P2RY13: variants seen among roughly 807,000 people sequenced by gnomAD.
P2RY13 encodes the protein P2Y purinoceptor 13.
For synonymous variants in P2RY13, 150 were observed against 155.1 expected, an observed-to-expected ratio of 0.97 and a Z score of 0.24; for missense variants, 412 against 418.4, an observed-to-expected ratio of 0.98 and a Z score of 0.13.
In P2RY13 at chr3:151,328,985, G is replaced by A; in HGVS notation, c.71C>T (p.Thr24Ile). The change falls in exon 2 of 2, where the codon ACC (threonine) becomes ATC (isoleucine). Residue 24 changes from threonine (T) to isoleucine (I), a missense_variant. Physicochemically the swap from Thr to Ile is moderately conservative, Grantham distance 89. Transcript: ENST00000325602. ...TCTGTTGAAGCCTTGCATCACTGTG[G>A]TGTTCATTGCTTCCAGTGTCACCTG... ...LPKVTLEAMNTTVMQGFNRSE... is the reference protein window; with the variant it reads ...LPKVTLEAMNITVMQGFNRSE... 1.2e-6 allele frequency: 2 copies of A among 1,603,908 alleles called. No individual in the cohort carries two copies. The highest frequency in any genetic ancestry group is 8.5e-7 in the Non-Finnish European group (1 of 1,174,800).
chr3:151,329,409 G>T (rs540656328), intron 1 of P2RY13, 72 bp downstream of exon 1: 7 of 918,736 alleles, frequency 7.6e-6, no homozygotes, highest in Admixed American at 7.6e-5. Flanking sequence ...TAACTTTAAA[G>T]CACCTTTTTT....
In P2RY13 at chr3:151,328,840, G is replaced by A; in HGVS notation, c.216C>T (p.Ile72=). ...NTLALWVFVH[I]PSSSTFIIYL... ...AGATGATGAAGGTGGAGGAGCTGGGGATGTGAACAAACACCCACAGAGCCA... is the reference window on the plus strand; with the variant it reads ...AGATGATGAAGGTGGAGGAGCTGGGAATGTGAACAAACACCCACAGAGCCA... The change falls in exon 2 of 2, where the codon ATC becomes ATT. Residue 72 remains isoleucine (I), a synonymous_variant. Transcript: ENST00000325602. 1 of 1,613,984 alleles carries A rather than the reference G, an allele frequency of 6.2e-7. No individual in the cohort carries two copies. Among genetic ancestry groups the A allele is most frequent in the Non-Finnish European group, 8.5e-7 (1 of 1,179,924 alleles).
chr3:151,329,420 C>A (rs1750093195), intron 1 of P2RY13, 61 bp downstream of exon 1: 1 of 1,042,810 alleles, frequency 9.6e-7, no homozygotes, highest in Non-Finnish European at 1.4e-6. Flanking sequence ...CACCTTTTTT[C>A]CCTTAAGCAT....
chr3:151,329,439 A>G (rs1318841610), intron 1 of P2RY13, 42 bp downstream of exon 1: 6 of 1,305,668 alleles, frequency 4.6e-6, no homozygotes, highest in Admixed American at 4.3e-5. Context: ...ATATTCTTTT[A>G]TATAAGCAAG....
chr3:151,328,561 G>T lies in P2RY13; in HGVS notation c.495C>A (p.Ile165=). 1 of 1,613,722 alleles carries T rather than the reference G, an allele frequency of 6.2e-7. No homozygotes were observed. The highest frequency in any genetic ancestry group is 2.2e-5 in the East Asian group (1 of 44,866). The stretch of plus-strand genomic sequence containing the variant: ...TGAAGAACAAAAAGAACCAGATGAA[G>T]ATTGAGACCGTTTTTGCAAAAACAG... ...KKPVFAKTVS[I]FIWFFLFFIS... The change falls in exon 2 of 2, where the codon ATC becomes ATA. Residue 165 remains isoleucine (I), a synonymous_variant. Coordinates refer to ENST00000325602, the MANE Select transcript of P2RY13 (RefSeq NM_176894.3).
Position 151,328,900 on chromosome 3 carries a change from T to C in P2RY13, c.156A>G (p.Thr52=). The change falls in exon 2 of 2, where the codon ACA becomes ACG. Residue 52 remains threonine (T), a synonymous_variant. Coordinates refer to ENST00000325602, the MANE Select transcript of P2RY13 (RefSeq NM_176894.3). Reference sequence around the variant, plus strand: ...GCAGGATGCCGGTCAAGAAAACCACTGTGTAGAGGGCTGGGAATACCAGCT... The same window carrying C: ...GCAGGATGCCGGTCAAGAAAACCACCGTGTAGAGGGCTGGGAATACCAGCT... The part of the protein sequence containing the change: ...IVQLVFPALY[T]VVFLTGILLN... 1.9e-6 allele frequency: 3 copies of C among 1,614,010 alleles called. No individual in the cohort carries two copies. The highest frequency in any genetic ancestry group is 2.5e-6 in the Non-Finnish European group (3 of 1,179,936).
In P2RY13 at chr3:151,327,832, A is replaced by G. The variant is rs1749827200; in HGVS notation, c.*159T>C. On this transcript the variant is annotated 3_prime_UTR_variant, in exon 2 of 2. Coordinates refer to ENST00000325602, the MANE Select transcript of P2RY13 (RefSeq NM_176894.3). ...AATGGTTCATTCAGCTTATGAATAG[A>G]TCTATGTGGATTTAAATTTTATATA... 6.5e-5 allele frequency: 35 copies of G among 540,794 alleles called. 1 individual carries two copies. In the South Asian group the frequency reaches 1.1e-3, roughly 18 times the overall value. The allele number at this position is 540,794 out of a possible 1,614,324, so 33.5% of individuals were successfully genotyped here.
rs1232064766 is a variant in P2RY13 at position 151,326,400 on chromosome 3, G to T, written c.*1591C>A. The T allele has an allele frequency of 6.6e-6, 1 of 152,478 alleles. No homozygotes were observed. The highest frequency in any genetic ancestry group is 1.5e-5 in the Non-Finnish European group (1 of 68,020). 9.4% of individuals were successfully genotyped at this position (152,478 alleles called of 1,614,324 possible). On this transcript the variant is annotated 3_prime_UTR_variant, in exon 2 of 2. Coordinates refer to ENST00000325602, the MANE Select transcript of P2RY13 (RefSeq NM_176894.3). ...CAGTTACTAAAAGAGTAGATACAAA[G>T]GTCAGGAAGTAATTACAATGCAATG...
rs780075715 is a variant in P2RY13, at chr3:151,328,103, A to G, written c.953T>C (p.Ile318Thr). ...TNICMDPLIYIFLCKKFTEKL... is the reference protein window; with the variant it reads ...TNICMDPLIYTFLCKKFTEKL... ...TTCTGTGAATTTTTTACATAAGAATATGTATATTAAGGGATCCATACAAAT... is the reference window on the plus strand; with the variant it reads ...TTCTGTGAATTTTTTACATAAGAATGTGTATATTAAGGGATCCATACAAAT... Residue 318 changes from isoleucine to threonine, a missense_variant, in exon 2 of 2, where the codon ATA becomes ACA. Transcript: ENST00000325602. The G allele has an allele frequency of 6.2e-7, 1 of 1,611,602 alleles. No individual in the cohort carries two copies. Among genetic ancestry groups the G allele is most frequent in the Admixed American group, 1.7e-5 (1 of 59,600 alleles).
In P2RY13 at chr3:151,328,511, C is replaced by T. The variant is rs774600360; in HGVS notation, c.545G>A (p.Ser182Asn). 6.2e-7 allele frequency: 1 copy of T among 1,614,006 alleles called. No homozygotes were observed. The highest frequency in any genetic ancestry group is 8.5e-7 in the Non-Finnish European group (1 of 1,179,972). ...FFISLPNTIL[S>N]NKEATPSSVK... is the part of the protein sequence containing the mutation. ...AGACGATGGTGTTGCTTCCTTGTTG[C>T]TCAAGATCGTATTTGGCAGGGAGAT... The change falls in exon 2 of 2, where the codon AGC (serine) becomes AAC (asparagine). Residue 182 changes from serine (S) to asparagine (N), a missense_variant. By Grantham distance (46) the Ser-to-Asn change is conservative. Coordinates refer to ENST00000325602, the MANE Select transcript of P2RY13 (RefSeq NM_176894.3).
chr3:151,328,925 T>C lies in P2RY13; in HGVS notation c.131A>G (p.Gln44Arg). 6.2e-7 allele frequency: 1 copy of C among 1,613,510 alleles called. No individual in the cohort carries two copies. ...ERCPRDTRIVQLVFPALYTVV... is the reference protein window; with the variant it reads ...ERCPRDTRIVRLVFPALYTVV... The stretch of plus-strand genomic sequence containing the variant: ...TGTGTAGAGGGCTGGGAATACCAGC[T>C]GTACTATCCGAGTGTCTCTGGGGCA... Residue 44 changes from glutamine (Q) to arginine (R), a missense_variant, in exon 2 of 2, where the codon CAG becomes CGG. Physicochemically the swap from Gln to Arg is conservative, Grantham distance 43. Transcript: ENST00000325602.
Position 151,328,586 on chromosome 3 carries a change from G to A in P2RY13, c.470C>T (p.Pro157Leu). ...GATTGAGACCGTTTTTGCAAAAACAGGTTTTTTTAGAAAAATATTTCTCAA... is the reference window on the plus strand; with the variant it reads ...GATTGAGACCGTTTTTGCAAAAACAAGTTTTTTTAGAAAAATATTTCTCAA... ...RPLRNIFLKK[P>L]VFAKTVSIFI... Residue 157 changes from proline to leucine, a missense_variant, in exon 2 of 2, where the codon CCT (proline) becomes CTT (leucine). Physicochemically the swap from Pro to Leu is moderately conservative, Grantham distance 98. Coordinates refer to ENST00000325602, the MANE Select transcript of P2RY13 (RefSeq NM_176894.3). 1 of 1,613,742 alleles carries A rather than the reference G, an allele frequency of 6.2e-7. No homozygotes were observed. The highest frequency in any genetic ancestry group is 8.5e-7 in the Non-Finnish European group (1 of 1,179,868).
At position 151,327,908 on chromosome 3, in the gene P2RY13, T is replaced by A. The variant is rs1749842109; in HGVS notation, c.*83A>T. ...AAATGTAAGAGAGCATTTGTTCCAA[T>A]CTTTTTTTCTTGGTTAAATTTGATT... On this transcript the variant is annotated 3_prime_UTR_variant, in exon 2 of 2. Transcript: ENST00000325602. 5.0e-6 allele frequency: 5 copies of A among 991,822 alleles called. No individual in the cohort carries two copies. In the South Asian group the frequency reaches 5.4e-5, roughly 11 times the overall value. 61.4% of individuals were successfully genotyped at this position (991,822 alleles called of 1,614,324 possible).
At chr3:151,329,429 A>G (rs1033105175) in intron 1 of P2RY13, 52 bp downstream of exon 1, 7 of 1,150,318 alleles carry the variant, frequency 6.1e-6, no homozygotes, top group East Asian at 5.2e-5. Context: ...TCCCTTAAGC[A>G]TATTCTTTTA....
Position 151,326,796 on chromosome 3 carries a change from A to G in P2RY13, c.*1195T>C, listed in dbSNP as rs1475947986. 3 of 152,018 alleles carry G rather than the reference A, an allele frequency of 2.0e-5. No individual in the cohort carries two copies. The East Asian group carries it at 5.8e-4, about 29-fold the overall frequency. The allele number at this position is 152,018 out of a possible 1,614,324, so 9.4% of individuals were successfully genotyped here. ...CGTGGCACATTTACAGAGCTTAACT[A>G]CTCCTTTATGTATTTTTTCTAGAAG... On this transcript the variant is annotated 3_prime_UTR_variant, in exon 2 of 2. Coordinates refer to ENST00000325602, the MANE Select transcript of P2RY13 (RefSeq NM_176894.3).
In P2RY13 at chr3:151,327,904, C is replaced by A; in HGVS notation, c.*87G>T. On this transcript the variant is annotated 3_prime_UTR_variant, in exon 2 of 2. Transcript: ENST00000325602. ...AATAAAATGTAAGAGAGCATTTGTT[C>A]CAATCTTTTTTTCTTGGTTAAATTT... 1.0e-6 allele frequency: 1 copy of A among 955,282 alleles called. No individual in the cohort carries two copies. The highest frequency in any genetic ancestry group is 1.6e-6 in the Non-Finnish European group (1 of 644,234). 59.2% of individuals were successfully genotyped at this position (955,282 alleles called of 1,614,324 possible).
In P2RY13 at chr3:151,328,210, T is replaced by A; in HGVS notation, c.846A>T (p.Gln282His). The change falls in exon 2 of 2, where the codon CAA (glutamine) becomes CAT (histidine). Residue 282 changes from glutamine to histidine, a missense_variant. By Grantham distance (24) the Gln-to-His change is conservative. Transcript: ENST00000325602. ...HFARVPYTHS[Q>H]TNNKTDCRLQ... ...GTCTACAGTCAGTCTTATTGTTGGT[T>A]TGACTGTGAGTATATGGAACTCTGG... 6.2e-7 allele frequency: 1 copy of A among 1,612,970 alleles called. No homozygotes were observed. Among genetic ancestry groups the A allele is most frequent in the Non-Finnish European group, 8.5e-7 (1 of 1,179,514 alleles).
In P2RY13 at chr3:151,327,443, G is replaced by C. The variant is rs1214308064; in HGVS notation, c.*548C>G. The C allele has an allele frequency of 2.0e-5, 3 of 152,128 alleles. No individual in the cohort carries two copies. Among genetic ancestry groups the C allele is most frequent in the Non-Finnish European group, 4.4e-5 (3 of 68,056 alleles). 9.4% of individuals were successfully genotyped at this position (152,128 alleles called of 1,614,324 possible). On this transcript the variant is annotated 3_prime_UTR_variant, in exon 2 of 2. Transcript: ENST00000325602. ...GAAAGAGGCTGTTTGTAATTGTAAGGAGAAAATCCTTTACCCAGGATTTCA... is the reference window on the plus strand; with the variant it reads ...GAAAGAGGCTGTTTGTAATTGTAAGCAGAAAATCCTTTACCCAGGATTTCA...
chr3:151,328,848 C>A lies in P2RY13; in HGVS notation c.208G>T (p.Val70Phe), dbSNP rs759831858. Residue 70 changes from valine (V) to phenylalanine (F), a missense_variant, in exon 2 of 2, where the codon GTT becomes TTT. Transcript: ENST00000325602. ...LLNTLALWVF[V>F]HIPSSSTFII... ...AAGGTGGAGGAGCTGGGGATGTGAA[C>A]AAACACCCACAGAGCCAAAGTATTC... The A allele has an allele frequency of 6.2e-7, 1 of 1,613,834 alleles. No homozygotes were observed. Among genetic ancestry groups the A allele is most frequent in the African/African-American group, 1.3e-5 (1 of 74,886 alleles).
Sources: allele counts gnomAD v4.1 joint callset, GRCh38; gene constraint gnomAD v4.1.1; transcripts MANE v1.5; gene names NCBI Gene and HGNC (gene_info 2026-07-23, HGNC 2026-07-21).